Variants in RBFOX1 observed in about 807,000 individuals in gnomAD.
RBFOX1 encodes the protein RNA binding fox-1 homolog 1, also known as RNA binding protein fox-1 homolog 1.
In RBFOX1, 8 loss-of-function variants were observed where a neutral mutation model predicts 57.7. The ratio of observed to expected loss-of-function variants is 0.14; its 90% CI spans 0.08 to 0.25. The LOEUF (loss-of-function observed/expected upper bound fraction) is 0.25. Ranked by LOEUF, RBFOX1 falls within the 10% of genes least tolerant of loss-of-function variation. RBFOX1 has a pLI of 1.00. For synonymous variants in RBFOX1, 326 were observed against 222.4 expected (o/e 1.47, Z -4.15); for missense variants, 611 against 548.5 (o/e 1.11, Z -1.14).
At chr16:5,593,248 A>T (rs1053604901) in intron 2 of RBFOX1, among the ~76,000 whole-genome samples, 38 of 151,780 alleles carry the variant, frequency 2.5e-4, no homozygotes, top group Admixed American at 2.5e-3. Context: ...GGAACAGAAA[A>T]CCAAACACTG....
chr16:5,632,222 C>G (rs755169348), intron 3 of RBFOX1, among the ~76,000 whole-genome samples: 1 of 152,168 alleles, frequency 6.6e-6, no homozygotes, highest in Non-Finnish European at 1.5e-5. Context: ...GTATTAGAGA[C>G]GATGTCATGA....
chr16:6,464,842 G>A (rs2095005456), intron 2 of RBFOX1, among the ~76,000 whole-genome samples: 1 of 152,186 alleles, frequency 6.6e-6, no homozygotes, highest in South Asian at 2.1e-4. Context: ...TTAACTGATA[G>A]CAGTGCGTTA....
chr16:6,525,584 C>G (rs886861828), intron 2 of RBFOX1, among the ~76,000 whole-genome samples: 3 of 152,044 alleles, frequency 2.0e-5, no homozygotes, highest in African/African-American at 4.8e-5. Context: ...GTTCTGGAGA[C>G]TGGGAATTTT....
chr16:7,449,833 A>T (rs1413330562), intron 4 of RBFOX1, among the ~76,000 whole-genome samples: 1 of 151,958 alleles, frequency 6.6e-6, no homozygotes, highest in East Asian at 1.9e-4. Flanking sequence ...CACAGGGTAA[A>T]GTGTTCTTCC....
chr16:6,736,412 GT>G (rs1422865902), intron 3 of RBFOX1, among the ~76,000 whole-genome samples: 1 of 152,028 alleles, frequency 6.6e-6, no homozygotes. Flanking sequence ...ATCATGTTTG[GT>G]TTTCCATTCC....
chr16:6,120,935 T>A (rs1179183827), intron 1 of RBFOX1, among the ~76,000 whole-genome samples: 1 of 152,240 alleles, frequency 6.6e-6, no homozygotes, highest in African/African-American at 2.4e-5. Flanking sequence ...GGGGCTGTTG[T>A]GTGAAACAGC....
At chr16:6,542,819 T>C (rs1283101007) in intron 2 of RBFOX1, among the ~76,000 whole-genome samples, 2 of 152,050 alleles carry the variant, frequency 1.3e-5, no homozygotes, top group Non-Finnish European at 2.9e-5. Flanking sequence ...ACGCTGGCTC[T>C]GCCTTCCTGG....
At chr16:6,341,313 T>C (rs2084538093) in intron 2 of RBFOX1, among the ~76,000 whole-genome samples, 1 of 152,142 alleles carries the variant, frequency 6.6e-6, no homozygotes, top group African/African-American at 2.4e-5. Context: ...AGGTTGAGTC[T>C]CTTTCACATC....
intron 1 of RBFOX1, among the ~76,000 whole-genome samples, chr16:5,251,537 A>G (rs987730489): frequency 2.0e-5 from 3 of 152,214 alleles, no homozygotes; most frequent in African/African-American, 7.2e-5. Context: ...GACTGGGGCA[A>G]TGGCAGCAGA....
chr16:5,802,545 G>C lies in RBFOX1; in HGVS notation c.319-64758G>C, dbSNP rs149591398. On this transcript the variant is annotated intron_variant, in intron 3 of 19. Transcript: ENST00000641259. Reference sequence around the variant, plus strand: ...CTCTCAGAGGGAATGCTCAGAGGTGGAACTGCTTGTTAACCTACGGGGAGA... The same window carrying C: ...CTCTCAGAGGGAATGCTCAGAGGTGCAACTGCTTGTTAACCTACGGGGAGA... Among the ~76,000 whole-genome samples, 1,000 of 152,268 alleles carry C rather than the reference G, an allele frequency of 6.6e-3. 10 individuals carry two copies. Among genetic ancestry groups the C allele is most frequent in the African/African-American group, 0.023 (937 of 41,558 alleles).
At chr16:6,651,106 T>G (rs1242800519) in intron 2 of RBFOX1, among the ~76,000 whole-genome samples, 1 of 152,168 alleles carries the variant, frequency 6.6e-6, no homozygotes, top group Non-Finnish European at 1.5e-5. Context: ...TTCACCATAT[T>G]AGCCAGGCTG....
chr16:7,494,411 T>A (rs761979685), intron 4 of RBFOX1, among the ~76,000 whole-genome samples: 8 of 152,176 alleles, frequency 5.3e-5, no homozygotes, highest in Non-Finnish European at 7.3e-5. Flanking sequence ...TCACACTCCT[T>A]CTCTGCTCCC....
At chr16:7,434,646 T>G (rs1162594259) in intron 4 of RBFOX1, among the ~76,000 whole-genome samples, 1 of 152,108 alleles carries the variant, frequency 6.6e-6, no homozygotes, top group Non-Finnish European at 1.5e-5. Context: ...AAACATTTTA[T>G]TTTAGAATAC....
chr16:5,607,517 C>T (rs1385994275), intron 3 of RBFOX1, among the ~76,000 whole-genome samples: 1 of 152,166 alleles, frequency 6.6e-6, no homozygotes, highest in Non-Finnish European at 1.5e-5. Context: ...GGTGATGATA[C>T]TGACGGGTTT....
intron 4 of RBFOX1, among the ~76,000 whole-genome samples, chr16:7,129,438 G>C (rs1007675242): frequency 1.6e-4 from 24 of 152,262 alleles, no homozygotes; most frequent in Admixed American, 1.2e-3. Flanking sequence ...GTAATGGATA[G>C]AGATCAGGTG....
chr16:6,504,899 CAAA>C (rs140935626), intron 2 of RBFOX1, among the ~76,000 whole-genome samples: 11 of 147,894 alleles, frequency 7.4e-5, no homozygotes, highest in East Asian at 4.0e-4. Flanking sequence ...ACTAAAATTA[CAAA>C]AAAAAAAAAA....
At chr16:6,069,996 A>T (rs907743785) in intron 1 of RBFOX1, among the ~76,000 whole-genome samples, 13 of 152,164 alleles carry the variant, frequency 8.5e-5, no homozygotes, top group Non-Finnish European at 1.5e-4. Flanking sequence ...CAACAAATAA[A>T]CAATCCCCCC....
chr16:5,316,106 T>C (rs1596494784), intron 1 of RBFOX1, among the ~76,000 whole-genome samples: 1 of 152,206 alleles, frequency 6.6e-6, no homozygotes, highest in African/African-American at 2.4e-5. Flanking sequence ...CACACTCCCC[T>C]GCCACAGGGC....
intron 4 of RBFOX1, among the ~76,000 whole-genome samples, chr16:7,400,994 A>ACTCAGGAATGTGAAGGGACAGAAGT: frequency 6.6e-6 from 1 of 152,120 alleles, no homozygotes; most frequent in East Asian, 1.9e-4. Flanking sequence ...CCCGCATGAA[A>ACTCAGGAATGTGAAGGGACAGAAGT]CTCAGGAATG....
Sources: gnomAD v4.1 joint callset for allele counts (sites outside exome capture counted in the v4.1 genomes callset) on GRCh38, gnomAD v4.1.1 for gene constraint, MANE v1.5 for transcripts, NCBI Gene and HGNC (gene_info 2026-07-23, HGNC 2026-07-21) for gene names.